Variants in C22orf39 observed in about 807,000 individuals in gnomAD.
C22orf39 encodes the protein synaptic plasticity regulator PANTS.
In C22orf39, 20 loss-of-function variants were observed where a neutral mutation model predicts 18.3. The observed-to-expected ratio is 1.09, with a 90% CI of 0.77 to 1.59. C22orf39 has a LOEUF of 1.59. Among genes scored for constraint, C22orf39 ranks in the 40% most tolerant of loss-of-function variants. The pLI is 0.00. For synonymous variants in C22orf39, 63 were observed against 59.6 expected (o/e 1.06, Z -0.26); for missense variants, 195 against 156.1 (o/e 1.25, Z -1.33).
Position 19,443,116 on chromosome 22 carries a change from G to A in C22orf39, c.*1149C>T, listed in dbSNP as rs2089622297. The A allele has an allele frequency of 6.1e-6, 6 of 979,812 alleles. No individual in the cohort carries two copies. The highest frequency in any genetic ancestry group is 7.3e-6 in the Non-Finnish European group (6 of 825,800). The allele number at this position is 979,812 out of a possible 1,614,324, so 60.7% of individuals were successfully genotyped here. A position where few individuals can be genotyped will look rare whatever the true frequency, so the allele number is the denominator to read the frequency against. ...ACCCCCACTGTTCACAGACACAGGGGCTCTTAGGGAGCACAGGAGAAAACA... is the reference window on the plus strand; with the variant it reads ...ACCCCCACTGTTCACAGACACAGGGACTCTTAGGGAGCACAGGAGAAAACA... On this transcript the variant is annotated 3_prime_UTR_variant, in exon 3 of 3. Transcript: ENST00000399562.
In C22orf39 at chr22:19,443,126, A is replaced by AG; in HGVS notation, c.*1138dup. 1 of 889,238 alleles carries AG rather than the reference A, an allele frequency of 1.1e-6. No individual in the cohort carries two copies. Among genetic ancestry groups the AG allele is most frequent in the Non-Finnish European group, 1.3e-6 (1 of 757,106 alleles). 55.1% of individuals were successfully genotyped at this position (889,238 alleles called of 1,614,324 possible). A position where few individuals can be genotyped will look rare whatever the true frequency, so the allele number is the denominator to read the frequency against. On this transcript the variant is annotated 3_prime_UTR_variant, in exon 3 of 3. Transcript: ENST00000399562. ...TTCACAGACACAGGGGCTCTTAGGGAGCACAGGAGAAAACACACTCAAGCA... is the reference window on the plus strand; with the variant it reads ...TTCACAGACACAGGGGCTCTTAGGGAGGCACAGGAGAAAACACACTCAAGCA...
chr22:19,441,920 AAGTAGCTG>A lies in C22orf39; in HGVS notation c.*2337_*2344del. ...AACAATCCTCCTATCTCAGCCTCCG[AAGTAGCTG>A]GAACTACAAATGCACGCCACCATGC... On this transcript the variant is annotated 3_prime_UTR_variant, in exon 3 of 3. Transcript: ENST00000399562. 9.9e-6 allele frequency: 5 copies of A among 506,050 alleles called. No homozygotes were observed. Among genetic ancestry groups the A allele is most frequent in the Admixed American group, 7.7e-5 (2 of 25,830 alleles). The allele number at this position is 506,050 out of a possible 1,614,324, so 31.3% of individuals were successfully genotyped here. A position where few individuals can be genotyped will look rare whatever the true frequency, so the allele number is the denominator to read the frequency against.
At position 19,443,085 on chromosome 22, in the gene C22orf39, A is replaced by G. The variant is rs1286572592; in HGVS notation, c.*1180T>C. The G allele has an allele frequency of 1.5e-5, 2 of 131,112 alleles. No individual in the cohort carries two copies. Among genetic ancestry groups the G allele is most frequent in the Non-Finnish European group, 2.4e-5 (2 of 81,800 alleles). 8.1% of individuals were successfully genotyped at this position (131,112 alleles called of 1,614,324 possible). A position where few individuals can be genotyped will look rare whatever the true frequency, so the allele number is the denominator to read the frequency against. ...TTGGGATCCCGTGAGCACAACCCCC[A>G]CCCCCACCCCCACTGTTCACAGACA... On this transcript the variant is annotated 3_prime_UTR_variant, in exon 3 of 3. Coordinates refer to ENST00000399562, the MANE Select transcript of C22orf39 (RefSeq NM_173793.5).
Position 19,444,329 on chromosome 22 carries a change from C to G in C22orf39, c.254G>C (p.Trp85Ser). Reference protein sequence around the residue: ...VRAARKHILVWAPRQSPPPDW... With the variant: ...VRAARKHILVSAPRQSPPPDW... ...TGGAGGGGGGCTCTGCCTCGGGGCC[C>G]ACACCAGGATGTGCTTCCGTGCAGC... Residue 85 changes from tryptophan to serine, a missense_variant, in exon 3 of 3, where the codon TGG (tryptophan) becomes TCG (serine). Coordinates refer to ENST00000399562, the MANE Select transcript of C22orf39 (RefSeq NM_173793.5). The G allele has an allele frequency of 6.2e-7, 1 of 1,601,368 alleles. No homozygotes were observed. Among genetic ancestry groups the G allele is most frequent in the African/African-American group, 1.3e-5 (1 of 74,154 alleles).
Position 19,444,505 on chromosome 22 carries a change from A to C in C22orf39, c.193-115T>G, listed in dbSNP as rs1025021144. 1.1e-5 allele frequency: 12 copies of C among 1,087,142 alleles called. No individual in the cohort carries two copies. The African/African-American group carries it at 2.0e-4, about 18-fold the overall frequency. 67.3% of individuals were successfully genotyped at this position (1,087,142 alleles called of 1,614,324 possible). On this transcript the variant is annotated intron_variant, in intron 2 of 2. Transcript: ENST00000399562. ...GATGGACAGGCAGGGCCTATGGTAC[A>C]CACCACTCTGCAGCACAGCTGCTTC...
chr22:19,443,096 CA>C lies in C22orf39; in HGVS notation c.*1168del. On this transcript the variant is annotated 3_prime_UTR_variant, in exon 3 of 3. Transcript: ENST00000399562. Reference sequence around the variant, plus strand: ...TGAGCACAACCCCCACCCCCACCCCCACTGTTCACAGACACAGGGGCTCTTA... The same window carrying C: ...TGAGCACAACCCCCACCCCCACCCCCCTGTTCACAGACACAGGGGCTCTTA... 3 of 851,072 alleles carry C rather than the reference CA, an allele frequency of 3.5e-6. No homozygotes were observed. Among genetic ancestry groups the C allele is most frequent in the Non-Finnish European group, 4.2e-6 (3 of 709,384 alleles). The allele number at this position is 851,072 out of a possible 1,614,324, so 52.7% of individuals were successfully genotyped here.
rs990809198 is a variant in C22orf39 at position 19,444,326 on chromosome 22, G to T, written c.257C>A (p.Ala86Asp). 4 of 1,600,980 alleles carry T rather than the reference G, an allele frequency of 2.5e-6. No individual in the cohort carries two copies. The African/African-American group carries it at 5.4e-5, about 22-fold the overall frequency. ...RAARKHILVW[A>D]PRQSPPPDWH... ...GTCTGGAGGGGGGCTCTGCCTCGGG[G>T]CCCACACCAGGATGTGCTTCCGTGC... The change falls in exon 3 of 3, where the codon GCC becomes GAC. Residue 86 changes from alanine to aspartate, a missense_variant. Coordinates refer to ENST00000399562, the MANE Select transcript of C22orf39 (RefSeq NM_173793.5).
Position 19,443,321 on chromosome 22 carries a change from G to C in C22orf39, c.*944C>G, listed in dbSNP as rs1038855239. Reference sequence around the variant, plus strand: ...GCATCACACAACAGGGCCACCATAGGATGAGAAACCATTCTATTAGTAATA... The same window carrying C: ...GCATCACACAACAGGGCCACCATAGCATGAGAAACCATTCTATTAGTAATA... On this transcript the variant is annotated 3_prime_UTR_variant, in exon 3 of 3. Coordinates refer to ENST00000399562, the MANE Select transcript of C22orf39 (RefSeq NM_173793.5). 1.0e-6 allele frequency: 1 copy of C among 985,294 alleles called. No homozygotes were observed. Among genetic ancestry groups the C allele is most frequent in the African/African-American group, 1.7e-5 (1 of 57,232 alleles). The allele number at this position is 985,294 out of a possible 1,614,324, so 61.0% of individuals were successfully genotyped here.
Position 19,447,491 on chromosome 22 carries a change from T to C in C22orf39, c.79A>G (p.Arg27Gly), listed in dbSNP as rs751754548. 8.0e-6 allele frequency: 12 copies of C among 1,502,154 alleles called. No homozygotes were observed. Among genetic ancestry groups the C allele is most frequent in the Admixed American group, 6.5e-5 (3 of 45,938 alleles). The allele number at this position is 1,502,154 out of a possible 1,614,324, so 93.1% of individuals were successfully genotyped here. ...ACGTAGTAGTGGTGTAGGAAGTGCC[T>C]GGCGCTGCGGCAGAGCTTCCACTCG... ...RAEWKLCRSA[R>G]HFLHHYYVHG... Residue 27 changes from arginine to glycine, a missense_variant, in exon 2 of 3, where the codon AGG (arginine) becomes GGG (glycine). Coordinates refer to ENST00000399562, the MANE Select transcript of C22orf39 (RefSeq NM_173793.5).
At chr22:19,445,486 T>C (rs2089634698) in intron 2 of C22orf39, among the ~76,000 whole-genome samples, 1 of 152,188 alleles carries the variant, frequency 6.6e-6, no homozygotes, top group South Asian at 2.1e-4. Context: ...ATCCAATTAC[T>C]TCCCTGGGAT....
intron 2 of C22orf39, among the ~76,000 whole-genome samples, chr22:19,444,695 G>C (rs9618573): frequency 6.6e-6 from 1 of 152,128 alleles, no homozygotes; most frequent in Non-Finnish European, 1.5e-5. Flanking sequence ...GGTTGACCTC[G>C]TGAGTCTGGG....
At position 19,447,391 on chromosome 22, in the gene C22orf39, TTCCGGCGC is replaced by T; in HGVS notation, c.171_178del (p.Asn60GlyfsTer7). ...CTCCCGGCGCACCTGGGCCTCGGCG[TTCCGGCGC>T]TCCTCCCAGTCGCGGCAGCTGGCCA... On this transcript the variant is annotated frameshift_variant, in exon 2 of 3. Coordinates refer to ENST00000399562, the MANE Select transcript of C22orf39 (RefSeq NM_173793.5). LOFTEE classifies it high-confidence loss of function. The T allele has an allele frequency of 6.7e-7, 1 of 1,502,598 alleles. No homozygotes were observed. Among genetic ancestry groups the T allele is most frequent in the Non-Finnish European group, 8.8e-7 (1 of 1,133,452 alleles). 93.1% of individuals were successfully genotyped at this position (1,502,598 alleles called of 1,614,324 possible). A position where few individuals can be genotyped will look rare whatever the true frequency, so the allele number is the denominator to read the frequency against.
In C22orf39 at chr22:19,441,697, G is replaced by T. The variant is rs2089613458; in HGVS notation, c.*2568C>A. 6.5e-7 allele frequency: 1 copy of T among 1,549,428 alleles called. No homozygotes were observed. Among genetic ancestry groups the T allele is most frequent in the East Asian group, 2.4e-5 (1 of 40,822 alleles). ...GTGTGAGCCACCACACTTAGCACCT[G>T]TCCAAAAAGTTTGAAAGATATTGCT... is the stretch of plus-strand genomic sequence containing the variant. On this transcript the variant is annotated 3_prime_UTR_variant, in exon 3 of 3. Transcript: ENST00000399562.
chr22:19,441,852 G>A lies in C22orf39; in HGVS notation c.*2413C>T. On this transcript the variant is annotated 3_prime_UTR_variant, in exon 3 of 3. Coordinates refer to ENST00000399562, the MANE Select transcript of C22orf39 (RefSeq NM_173793.5). ...CTGTCACCCAGGTTGAAGTGCAGTG[G>A]GGCACAATCATGGCTCACTGCAGCC... 3 of 918,978 alleles carry A rather than the reference G, an allele frequency of 3.3e-6. No homozygotes were observed. The highest frequency in any genetic ancestry group is 4.7e-6 in the Non-Finnish European group (3 of 634,290). 56.9% of individuals were successfully genotyped at this position (918,978 alleles called of 1,614,324 possible).
chr22:19,447,670 A>G lies in C22orf39; in HGVS notation c.19T>C (p.Trp7Arg). 2.5e-6 allele frequency: 4 copies of G among 1,611,144 alleles called. No homozygotes were observed. Among genetic ancestry groups the G allele is most frequent in the South Asian group, 2.2e-5 (2 of 90,834 alleles). The change falls in exon 1 of 3, where the codon TGG (tryptophan) becomes CGG (arginine). Residue 7 changes from tryptophan to arginine, a missense_variant. Trp to Arg is a moderately radical substitution (Grantham distance 101, BLOSUM62 -3). Transcript: ENST00000399562. The part of the protein sequence containing the change: MADGSG[W>R]QPPRPCEAYR... ...CTCCGACCCAGCACACTCACCTGCC[A>G]GCCGCTGCCGTCCGCCATGTCTGGG...
intron 2 of C22orf39, among the ~76,000 whole-genome samples, chr22:19,446,597 T>C (rs906917843): frequency 3.9e-5 from 6 of 152,224 alleles, no homozygotes; most frequent in African/African-American, 1.4e-4. Context: ...ATGTGGTACA[T>C]ATTTGCTGGA....
Position 19,443,864 on chromosome 22 carries a change from T to G in C22orf39, c.*401A>C. The G allele has an allele frequency of 2.0e-6, 2 of 991,402 alleles. No homozygotes were observed. The highest frequency in any genetic ancestry group is 2.4e-6 in the Non-Finnish European group (2 of 834,440). 61.4% of individuals were successfully genotyped at this position (991,402 alleles called of 1,614,324 possible). A position where few individuals can be genotyped will look rare whatever the true frequency, so the allele number is the denominator to read the frequency against. On this transcript the variant is annotated 3_prime_UTR_variant, in exon 3 of 3. Transcript: ENST00000399562. ...CAAGGACTAGGAAAGACATTCACAG[T>G]GGCACAACTGTTTAGCTACCTCATT...
rs2146275155 is a variant in C22orf39, at chr22:19,442,001, G to C, written c.*2264C>G. ...AGATGGGGTCTTGTTACGTTGCCCA[G>C]GCTGGTCTCGAACTCCTGGGCTCAA... On this transcript the variant is annotated 3_prime_UTR_variant, in exon 3 of 3. Transcript: ENST00000399562. 8.8e-6 allele frequency: 2 copies of C among 228,274 alleles called. No homozygotes were observed. Among genetic ancestry groups the C allele is most frequent in the South Asian group, 8.5e-5 (1 of 11,800 alleles). The allele number at this position is 228,274 out of a possible 1,614,324, so 14.1% of individuals were successfully genotyped here.
Position 19,441,993 on chromosome 22 carries a change from G to A in C22orf39, c.*2272C>T, listed in dbSNP as rs541017603. On this transcript the variant is annotated 3_prime_UTR_variant, in exon 3 of 3. Coordinates refer to ENST00000399562, the MANE Select transcript of C22orf39 (RefSeq NM_173793.5). ...TTTTGTAGAGATGGGGTCTTGTTAC[G>A]TTGCCCAGGCTGGTCTCGAACTCCT... 1.3e-4 allele frequency: 33 copies of A among 248,350 alleles called. No individual in the cohort carries two copies. The highest frequency in any genetic ancestry group is 6.4e-4 in the African/African-American group (28 of 44,032). 15.4% of individuals were successfully genotyped at this position (248,350 alleles called of 1,614,324 possible).
Sources: gnomAD v4.1 joint callset for allele counts (sites outside exome capture counted in the v4.1 genomes callset) on GRCh38, gnomAD v4.1.1 for gene constraint, MANE v1.5 for transcripts, NCBI Gene and HGNC (gene_info 2026-07-23, HGNC 2026-07-21) for gene names.